Variants in ERC1 observed in about 807,000 individuals in gnomAD.
ERC1 encodes RAB6 interacting protein 2.
Under a neutral mutation model 132.0 loss-of-function variants are expected in ERC1, and 56 were observed. The observed-to-expected ratio is 0.42, with a 90% confidence interval of 0.34 to 0.53. The LOEUF (loss-of-function observed/expected upper bound fraction) is 0.53, where lower values mean the gene tolerates loss of function less well. Ranked by LOEUF, ERC1 falls within the 20% of genes least tolerant of loss-of-function variation. ERC1 has a pLI of 0.03. For missense variants in ERC1, 1,202 were observed against 1,349.9 expected (o/e 0.89, Z 1.72); for synonymous variants, 478 against 476.1 (o/e 1.00, Z -0.05).
At chr12:1,440,856 G>T (rs145995752) in intron 17 of ERC1, among the ~76,000 whole-genome samples, 1,556 of 151,664 alleles carry the variant, frequency 0.01, 30 homozygotes, top group African/African-American at 0.036. Context: ...GTGTTGGCCA[G>T]ACTGCTCTCG....
intron 17 of ERC1, among the ~76,000 whole-genome samples, 192 bp downstream of exon 17, chr12:1,408,439 T>C (rs1292158080): frequency 1.5e-5 from 2 of 133,010 alleles, no homozygotes; most frequent in South Asian, 2.2e-4. Flanking sequence ...ACTGGATATT[T>C]TAAGAGCAGA....
chr12:1,279,524 G>T (rs1357826876), intron 14 of ERC1, among the ~76,000 whole-genome samples: 1 of 152,014 alleles, frequency 6.6e-6, no homozygotes, highest in Non-Finnish European at 1.5e-5. Flanking sequence ...TCAGCAAAAG[G>T]ACTGTATCTG....
At chr12:1,151,317 G>C (rs1214151115) in intron 8 of ERC1, among the ~76,000 whole-genome samples, 2 of 152,188 alleles carry the variant, frequency 1.3e-5, no homozygotes, top group Non-Finnish European at 2.9e-5. Context: ...TTGGGGAAGA[G>C]GGAAGGCTAC....
intron 4 of ERC1, among the ~76,000 whole-genome samples, chr12:1,109,456 T>C (rs1023985801): frequency 6.6e-6 from 1 of 152,158 alleles, no homozygotes; most frequent in Non-Finnish European, 1.5e-5. Context: ...CTTACTTTTT[T>C]CCCCTCCTTT....
intron 1 of ERC1, among the ~76,000 whole-genome samples, chr12:1,011,263 A>G (rs1162266556): frequency 2.6e-5 from 4 of 152,150 alleles, no homozygotes; most frequent in Non-Finnish European, 5.9e-5. Flanking sequence ...CAGTGTTGCC[A>G]TCACCGCTCA....
intron 7 of ERC1, among the ~76,000 whole-genome samples, chr12:1,121,731 CTCTATCTCTA>C (rs1355398006): frequency 1.5e-3 from 10 of 6,680 alleles, no homozygotes; most frequent in African/African-American, 1.7e-3. Context: ...CTATCTCTAT[CTCTATCTCTA>C]TCTATCTCTA....
intron 13 of ERC1, among the ~76,000 whole-genome samples, chr12:1,249,111 T>TGAACTCCTGGCCTC (rs1483727351): frequency 3.3e-5 from 5 of 152,150 alleles, no homozygotes; most frequent in Non-Finnish European, 7.4e-5. Flanking sequence ...AGTCTGGACT[T>TGAACTCCTGGCCTC]GAACTCCTGG....
At chr12:1,382,651 T>G (rs1205583785) in intron 16 of ERC1, among the ~76,000 whole-genome samples, 4 of 152,218 alleles carry the variant, frequency 2.6e-5, no homozygotes, top group African/African-American at 9.6e-5. Flanking sequence ...AAGTCTAAAA[T>G]TCATTATTTT....
At chr12:1,175,126 C>G (rs1023184679) in intron 8 of ERC1, among the ~76,000 whole-genome samples, 1 of 152,162 alleles carries the variant, frequency 6.6e-6, no homozygotes, top group Non-Finnish European at 1.5e-5. Context: ...TTCAGCAACT[C>G]GTAATATTCT....
At chr12:1,176,936 C>T (rs1953795235) in intron 8 of ERC1, among the ~76,000 whole-genome samples, 1 of 152,240 alleles carries the variant, frequency 6.6e-6, no homozygotes, top group South Asian at 2.1e-4. Flanking sequence ...TAGCCATCTT[C>T]ATTGATTGTC....
chr12:1,467,910 C>A (rs2093777270), intron 18 of ERC1, among the ~76,000 whole-genome samples: 1 of 152,196 alleles, frequency 6.6e-6, no homozygotes, highest in Non-Finnish European at 1.5e-5. Flanking sequence ...CTCAGCTGAT[C>A]TGACAAGAGA....
chr12:1,037,390 T>A (rs1969294272), intron 2 of ERC1, among the ~76,000 whole-genome samples: 1 of 152,108 alleles, frequency 6.6e-6, no homozygotes, highest in African/African-American at 2.4e-5. Flanking sequence ...AATCAGAAAA[T>A]GGGTTTAGTT....
At chr12:1,387,155 A>T (rs2089466987) in intron 16 of ERC1, among the ~76,000 whole-genome samples, 1 of 151,984 alleles carries the variant, frequency 6.6e-6, no homozygotes, top group African/African-American at 2.4e-5. Context: ...ATATTGACAG[A>T]TGGAGAAGAT....
intron 13 of ERC1, among the ~76,000 whole-genome samples, chr12:1,245,824 C>T (rs988179908): frequency 5.9e-5 from 9 of 152,138 alleles, no homozygotes; most frequent in African/African-American, 2.2e-4. Flanking sequence ...CCTATTTCTA[C>T]CTTTGTGTTT....
intron 7 of ERC1, among the ~76,000 whole-genome samples, chr12:1,123,792 C>T (rs74423799): frequency 1.3e-5 from 2 of 152,100 alleles, no homozygotes; most frequent in East Asian, 1.9e-4. Context: ...TTCAGGAGTT[C>T]GAGACCAGCC....
intron 15 of ERC1, among the ~76,000 whole-genome samples, chr12:1,323,577 A>G (rs1424333737): frequency 6.6e-6 from 1 of 152,250 alleles, no homozygotes; most frequent in African/African-American, 2.4e-5. Flanking sequence ...TGTTTGTACA[A>G]GGAAATCACA....
intron 16 of ERC1, among the ~76,000 whole-genome samples, chr12:1,407,791 G>C (rs2091596942): frequency 6.6e-6 from 1 of 152,122 alleles, no homozygotes; most frequent in Non-Finnish European, 1.5e-5. Flanking sequence ...ATATGACAGA[G>C]ATATAAAGAG....
chr12:1,183,581 T>C (rs1270164029), intron 11 of ERC1, among the ~76,000 whole-genome samples, 160 bp downstream of exon 11: 1 of 152,230 alleles, frequency 6.6e-6, no homozygotes, highest in Non-Finnish European at 1.5e-5. Flanking sequence ...ATTCTTATCC[T>C]ACTTTATTTT....
At position 1,194,590 on chromosome 12, in the gene ERC1, T is replaced by C. The variant is rs554730268; in HGVS notation, c.2351+4538T>C. Among the ~76,000 whole-genome samples, 6 of 152,288 alleles carry C rather than the reference T, an allele frequency of 3.9e-5. No homozygotes were observed. In the East Asian group the frequency reaches 1.2e-3, roughly 29 times the overall value. ...GAACATTGTCCCCTGTGCCGTATATTGTATTGTGCCTTATAATTTTGCTTT... is the reference window on the plus strand; with the variant it reads ...GAACATTGTCCCCTGTGCCGTATATCGTATTGTGCCTTATAATTTTGCTTT... On this transcript the variant is annotated intron_variant, in intron 12 of 18. Transcript: ENST00000360905.
Sources: gnomAD v4.1 joint callset for allele counts (sites outside exome capture counted in the v4.1 genomes callset) on GRCh38, gnomAD v4.1.1 for gene constraint, MANE v1.5 for transcripts, NCBI Gene and HGNC (gene_info 2026-07-23, HGNC 2026-07-21) for gene names.